RANBP2: variants seen among roughly 807,000 people sequenced by gnomAD.
The protein encoded by RANBP2 is E3 SUMO-protein ligase RanBP2.
In RANBP2, 57 loss-of-function variants were observed where a neutral mutation model predicts 303.6. That is an observed-to-expected ratio of 0.19 (90% confidence interval 0.15 to 0.23). The LOEUF (loss-of-function observed/expected upper bound fraction) is 0.23. Ranked by LOEUF, RANBP2 falls within the 10% of genes least tolerant of loss-of-function variation. The pLI, the probability that RANBP2 is intolerant of heterozygous loss-of-function variation, is 1.00. For synonymous variants in RANBP2, 1,167 were observed against 1,301.5 expected, an observed-to-expected ratio of 0.90 and a Z score of 2.23; for missense variants, 3,138 against 3,780.8, an observed-to-expected ratio of 0.83 and a Z score of 4.46.
chr2:109,376,135 G>T, the RANBP2 span, among the ~76,000 whole-genome samples: 1 of 152,236 alleles, frequency 6.6e-6, no homozygotes, highest in Non-Finnish European at 1.5e-5. Flanking sequence ...AGTGAAAGCT[G>T]CTCCTCGGTC....
chr2:109,291,507 G>A, the RANBP2 span, among the ~76,000 whole-genome samples: 7 of 152,292 alleles, frequency 4.6e-5, no homozygotes, highest in African/African-American at 1.2e-4. Flanking sequence ...CACGTGCTGC[G>A]GAGGAGCGCT....
At chr2:109,559,432 C>T in the RANBP2 span, among the ~76,000 whole-genome samples, 1 of 152,122 alleles carries the variant, frequency 6.6e-6, no homozygotes, top group Non-Finnish European at 1.5e-5. Context: ...TTCTTCCAGC[C>T]ACTGCTCCCA....
intron 25 of RANBP2, among the ~76,000 whole-genome samples, chr2:108,780,350 G>A (rs920224911): frequency 4.3e-5 from 6 of 139,458 alleles, no homozygotes; most frequent in South Asian, 2.3e-4. Flanking sequence ...CCGCCACCAC[G>A]CCCGGCTAAT....
chr2:109,074,005 A>G, the RANBP2 span, among the ~76,000 whole-genome samples: 2 of 150,886 alleles, frequency 1.3e-5, no homozygotes, highest in Admixed American at 1.3e-4. Context: ...AAACCCAACA[A>G]TAAAACACAA....
chr2:109,622,272 A>G, the RANBP2 span, among the ~76,000 whole-genome samples: 2 of 152,210 alleles, frequency 1.3e-5, no homozygotes, highest in African/African-American at 2.4e-5. Context: ...CTTTGTGCTC[A>G]GGCAGACTGG....
the RANBP2 span, among the ~76,000 whole-genome samples, chr2:109,099,110 C>T: frequency 6.6e-6 from 1 of 152,096 alleles, no homozygotes; most frequent in Non-Finnish European, 1.5e-5. Context: ...GAATGTATAC[C>T]CAACGGGTTG....
chr2:109,129,547 C>A, the RANBP2 span: 1 of 1,496,020 alleles, frequency 6.7e-7, no homozygotes, highest in Admixed American at 2.1e-5. Flanking sequence ...CCCCATGCTG[C>A]TCGGAGCGTC....
the RANBP2 span, among the ~76,000 whole-genome samples, chr2:109,319,914 G>A: frequency 2.0e-5 from 3 of 152,176 alleles, no homozygotes; most frequent in African/African-American, 7.2e-5. Flanking sequence ...GTTACATCTG[G>A]GGTCCCTCCT....
chr2:109,282,943 A>G, the RANBP2 span, among the ~76,000 whole-genome samples: 13 of 152,082 alleles, frequency 8.5e-5, no homozygotes, highest in Non-Finnish European at 1.8e-4. Context: ...CAATGGTGGC[A>G]TTGGGGCTGG....
chr2:109,701,948 C>T, the RANBP2 span, among the ~76,000 whole-genome samples: 3 of 152,368 alleles, frequency 2.0e-5, no homozygotes, highest in South Asian at 6.2e-4. Context: ...TTTCACCACA[C>T]ACCTTTGAAT....
chr2:109,184,113 G>T, the RANBP2 span, among the ~76,000 whole-genome samples: 5 of 152,178 alleles, frequency 3.3e-5, no homozygotes, highest in Admixed American at 2.6e-4. Context: ...CATGTGCTTC[G>T]TAGTCTCCTG....
At chr2:109,426,619 C>T in the RANBP2 span, among the ~76,000 whole-genome samples, 2 of 152,172 alleles carry the variant, frequency 1.3e-5, no homozygotes, top group Non-Finnish European at 2.9e-5. Flanking sequence ...ATGGTGGGAA[C>T]ATCATTGAAA....
the RANBP2 span, among the ~76,000 whole-genome samples, chr2:109,230,496 C>T: frequency 2.6e-4 from 39 of 152,236 alleles, no homozygotes; most frequent in Middle Eastern, 0.01. Flanking sequence ...AGGAGAATTG[C>T]TTGAACCTAG....
the RANBP2 span, among the ~76,000 whole-genome samples, chr2:109,653,193 G>A: frequency 3.9e-5 from 6 of 151,912 alleles, no homozygotes; most frequent in Non-Finnish European, 7.4e-5. Context: ...TCAAGAGTTC[G>A]AGACCAGCCT....
chr2:108,792,454 T>C, the RANBP2 span, among the ~76,000 whole-genome samples: 1 of 152,220 alleles, frequency 6.6e-6, no homozygotes, highest in African/African-American at 2.4e-5. Context: ...ATGTTGCTTG[T>C]ATTCCATTAA....
At chr2:108,775,619 A>G in intron 23 of RANBP2, 113 bp from the exon 24 acceptor site, 2 of 1,079,438 alleles carry the variant, frequency 1.9e-6, no homozygotes, top group South Asian at 2.6e-5. Flanking sequence ...AAGTGTGTTT[A>G]TTCTATCTTC....
the RANBP2 span, among the ~76,000 whole-genome samples, chr2:109,029,671 C>A: frequency 6.6e-6 from 1 of 152,200 alleles, no homozygotes; most frequent in Non-Finnish European, 1.5e-5. Flanking sequence ...GGGATGCCTG[C>A]CTGCTGCCTG....
chr2:109,102,653 C>G, the RANBP2 span, among the ~76,000 whole-genome samples: 1,194 of 152,054 alleles, frequency 7.9e-3, 11 homozygotes, highest in East Asian at 0.036. Flanking sequence ...TTCTCAAAAG[C>G]CTATCATCTG....
At chr2:109,004,783 G>A in the RANBP2 span, among the ~76,000 whole-genome samples, 4 of 152,058 alleles carry the variant, frequency 2.6e-5, no homozygotes, top group Middle Eastern at 3.4e-3. Flanking sequence ...TTAAATCTGC[G>A]GAGCCTATCA....
Sources: gnomAD v4.1 joint callset for allele counts (sites outside exome capture counted in the v4.1 genomes callset) on GRCh38, gnomAD v4.1.1 for gene constraint, MANE v1.5 for transcripts, NCBI Gene and HGNC (gene_info 2026-07-23, HGNC 2026-07-21) for gene names.